Variants in BRI3 observed in about 807,000 individuals in gnomAD.
BRI3 encodes the protein membrane protein BRI3.
In BRI3, 6 loss-of-function variants were observed where a neutral mutation model predicts 12.8. That is an observed-to-expected ratio of 0.47 (90% CI 0.26 to 0.93). The LOEUF (loss-of-function observed/expected upper bound fraction) is 0.93. BRI3 is among the 40% of genes least tolerant of loss of function. The pLI is 0.15. For missense variants in BRI3, 134 were observed against 171.1 expected (o/e 0.78, Z 1.21); for synonymous variants, 91 against 76.1 (o/e 1.20, Z -1.02).
chr7:98,309,283 C>G (rs1291786824), exon 2 of BRI3: 1 of 152,114 alleles, frequency 6.6e-6, no homozygotes, highest in African/African-American at 2.4e-5. Flanking sequence ...GCCTCCTGAA[C>G]AGCTGGAATT....
chr7:98,320,005 G>A, the BRI3 span: 31 of 1,454,398 alleles, frequency 2.1e-5, no homozygotes, highest in Admixed American at 5.5e-4. Flanking sequence ...TTCTCCCCAG[G>A]CTGGGAGGTC....
chr7:98,292,408 A>G (rs1800003678), downstream of BRI3: 3 of 550,830 alleles, frequency 5.4e-6, no homozygotes, highest in Admixed American at 3.2e-5. Flanking sequence ...TCCTGACCTC[A>G]GGTGATCCCC....
At chr7:98,292,768 T>A (rs1280406105), downstream of BRI3, 13 of 1,549,544 alleles carry the variant, frequency 8.4e-6, no homozygotes, top group Non-Finnish European at 1.1e-5. Flanking sequence ...ACTAGCTGAG[T>A]GAGAACACAA....
At chr7:98,313,548 G>A (rs910733967), downstream of BRI3, among the ~76,000 whole-genome samples, 2 of 152,080 alleles carry the variant, frequency 1.3e-5, no homozygotes, top group African/African-American at 2.4e-5. Context: ...CTACATTCCC[G>A]AAACTAGTAC....
chr7:98,294,736 GAAATAA>G (rs139834212), downstream of BRI3, among the ~76,000 whole-genome samples: 17 of 152,314 alleles, frequency 1.1e-4, no homozygotes, highest in East Asian at 3.3e-3. Flanking sequence ...AAAGAAACAG[GAAATAA>G]AAATAAAACC....
the BRI3 span, among the ~76,000 whole-genome samples, chr7:98,315,827 A>C: frequency 1.3e-5 from 2 of 152,204 alleles, no homozygotes; most frequent in Admixed American, 6.5e-5. Context: ...GAAGTTGCCC[A>C]AGGGCTTGAC....
upstream of BRI3, among the ~76,000 whole-genome samples, chr7:98,305,634 G>A (rs945816421): frequency 4.6e-5 from 7 of 152,086 alleles, no homozygotes; most frequent in Non-Finnish European, 8.8e-5. Context: ...TGTTGCGCAG[G>A]CTGGTCCTGA....
chr7:98,293,093 ATCT>A (rs1800039153), downstream of BRI3: 2 of 538,804 alleles, frequency 3.7e-6, no homozygotes, highest in African/African-American at 2.0e-5. Flanking sequence ...CTTACGTGAT[ATCT>A]TCTTTAGACA....
chr7:98,306,546 T>A, exon 1 of BRI3: 1 of 1,614,004 alleles, frequency 6.2e-7, no homozygotes, highest in South Asian at 1.1e-5. Context: ...AAAGACCCTA[T>A]CAGCAGTAGA....
At chr7:98,295,085 A>C, downstream of BRI3, among the ~76,000 whole-genome samples, 1 of 152,276 alleles carries the variant, frequency 6.6e-6, no homozygotes. Context: ...CAGCACCCCC[A>C]GGGGGTCTCA....
intron 2 of BRI3, among the ~76,000 whole-genome samples, chr7:98,284,444 G>A (rs748615825): frequency 4.6e-5 from 7 of 152,216 alleles, no homozygotes; most frequent in African/African-American, 1.4e-4. Flanking sequence ...TGCTGCTGGC[G>A]TGGGTGGGGT....
At chr7:98,311,480 A>G (rs541679734), downstream of BRI3, among the ~76,000 whole-genome samples, 4 of 151,856 alleles carry the variant, frequency 2.6e-5, no homozygotes, top group African/African-American at 9.6e-5. Flanking sequence ...GACGGAGCCT[A>G]CAGTGAGCCG....
intron 1 of BRI3, chr7:98,307,134 CAG>C (rs1408993782): frequency 1.3e-5 from 2 of 158,940 alleles, no homozygotes; most frequent in African/African-American, 4.8e-5. Context: ...TTTTTTGAGA[CAG>C]AGTCTTGCTC....
At chr7:98,305,400 C>T (rs78292418), upstream of BRI3, among the ~76,000 whole-genome samples, 26 of 152,138 alleles carry the variant, frequency 1.7e-4, no homozygotes, top group Non-Finnish European at 3.2e-4. Flanking sequence ...AGCACAATGG[C>T]ATTTTAGCTC....
downstream of BRI3, chr7:98,292,819 G>C (rs1800025098): frequency 1.3e-6 from 2 of 1,487,758 alleles, no homozygotes; most frequent in Non-Finnish European, 1.8e-6. Flanking sequence ...TCCTGGATGG[G>C]CCGTGTGCAG....
At chr7:98,317,305 C>T in the BRI3 span, 7 of 1,614,224 alleles carry the variant, frequency 4.3e-6, no homozygotes, top group Non-Finnish European at 5.1e-6. Flanking sequence ...TGGGATTTCT[C>T]CAAAGACTCT....
At chr7:98,297,765 C>T (rs923908584), downstream of BRI3, among the ~76,000 whole-genome samples, 1 of 152,182 alleles carries the variant, frequency 6.6e-6, no homozygotes, top group African/African-American at 2.4e-5. Flanking sequence ...AACGAAGATG[C>T]GTGCAGGCCT....
intron 1 of BRI3, among the ~76,000 whole-genome samples, chr7:98,300,184 T>G (rs1198655335): frequency 1.3e-5 from 2 of 152,252 alleles, no homozygotes; most frequent in African/African-American, 4.8e-5. Flanking sequence ...TGCTCGTCTC[T>G]GACACACACA....
At chr7:98,308,303 C>T (rs562371996) in exon 2 of BRI3, 1 of 462,050 alleles carries the variant, frequency 2.2e-6, no homozygotes, top group East Asian at 6.8e-5. Flanking sequence ...ACCCAACTGC[C>T]AATGTCCACA....
Sources: gnomAD v4.1 joint callset for allele counts (sites outside exome capture counted in the v4.1 genomes callset) on GRCh38, gnomAD v4.1.1 for gene constraint, MANE v1.5 for transcripts, NCBI Gene and HGNC (gene_info 2026-07-23, HGNC 2026-07-21) for gene names.